The following PNKD variants were observed in gnomAD, a reference collection of about 807,000 sequenced individuals.
PNKD encodes the protein probable thioesterase PNKD.
Under a neutral mutation model 45.3 loss-of-function variants are expected in PNKD, and 36 were observed. The ratio of observed to expected loss-of-function variants is 0.80; its 90% CI spans 0.61 to 1.05. The LOEUF is 1.05. PNKD is among the 50% of genes least tolerant of loss of function. The pLI is 0.00. For missense variants in PNKD, 511 were observed against 506.6 expected (o/e 1.01, Z -0.08); for synonymous variants, 197 against 210.1 (o/e 0.94, Z 0.54).
At chr2:218,278,210 A>C in intron 2 of PNKD, 1 of 609,066 alleles carries the variant, frequency 1.6e-6, no homozygotes. Context: ...TGCAACTCTT[A>C]AACTGACTGC....
At chr2:218,344,085 G>A (rs1450040148) in intron 8 of PNKD, among the ~76,000 whole-genome samples, 6 of 152,168 alleles carry the variant, frequency 3.9e-5, no homozygotes, top group Non-Finnish European at 8.8e-5. Context: ...CAGGAACACA[G>A]CAGGTACATC....
chr2:218,320,146 TA>T, intron 2 of PNKD, among the ~76,000 whole-genome samples: 1 of 152,214 alleles, frequency 6.6e-6, no homozygotes, highest in African/African-American at 2.4e-5. Context: ...CGTTTGTGAG[TA>T]TGTAATATGT....
chr2:218,299,429 A>G (rs1190933216), intron 2 of PNKD, among the ~76,000 whole-genome samples: 3 of 151,974 alleles, frequency 2.0e-5, no homozygotes, highest in Admixed American at 1.3e-4. Context: ...GGCGTGAGCC[A>G]CCGCACCCGA....
chr2:218,324,132 T>A (rs765137387), intron 2 of PNKD, among the ~76,000 whole-genome samples: 4 of 151,728 alleles, frequency 2.6e-5, no homozygotes, highest in Admixed American at 6.6e-5. Flanking sequence ...TACCCCTTCC[T>A]TCCTGGCCCC....
At chr2:218,325,198 C>A (rs1270118042) in intron 2 of PNKD, among the ~76,000 whole-genome samples, 1 of 39,764 alleles carries the variant, frequency 2.5e-5, no homozygotes, top group Middle Eastern at 0.045. Context: ...CGCACCCGGC[C>A]TTTTTTTTTT....
At chr2:218,314,068 T>A (rs560968259) in intron 2 of PNKD, among the ~76,000 whole-genome samples, 1 of 151,634 alleles carries the variant, frequency 6.6e-6, no homozygotes, top group Non-Finnish European at 1.5e-5. Flanking sequence ...ATTACAGGCA[T>A]GTGCCACCAC....
intron 2 of PNKD, among the ~76,000 whole-genome samples, chr2:218,301,114 C>T (rs1375091432): frequency 6.6e-6 from 1 of 152,148 alleles, no homozygotes; most frequent in East Asian, 1.9e-4. Flanking sequence ...AGAATGGCTA[C>T]TCCATAGACA....
intron 2 of PNKD, among the ~76,000 whole-genome samples, chr2:218,273,322 G>A (rs556048475): frequency 6.6e-6 from 1 of 152,182 alleles, no homozygotes; most frequent in Non-Finnish European, 1.5e-5. Flanking sequence ...CCAGGCTGGA[G>A]TGCAGTGTTG....
At chr2:218,302,594 C>T (rs1693299292) in intron 2 of PNKD, among the ~76,000 whole-genome samples, 1 of 152,154 alleles carries the variant, frequency 6.6e-6, no homozygotes, top group Admixed American at 6.5e-5. Flanking sequence ...GGGCATGGCC[C>T]AAGAGGAGAC....
At chr2:218,331,658 G>A (rs1026731412) in intron 2 of PNKD, among the ~76,000 whole-genome samples, 2 of 152,040 alleles carry the variant, frequency 1.3e-5, no homozygotes, top group Admixed American at 6.6e-5. Flanking sequence ...AGTAGAGACG[G>A]GGTTTCACCA....
chr2:218,280,125 G>A, intron 2 of PNKD: 25 of 1,612,700 alleles, frequency 1.6e-5, no homozygotes, highest in African/African-American at 2.7e-5. Flanking sequence ...CATGGCCTGG[G>A]CCTAGGGACA....
Position 218,341,636 on chromosome 2 carries a change from T to A in PNKD, c.617+10T>A. 6.4e-7 allele frequency: 1 copy of A among 1,551,630 alleles called. No individual in the cohort carries two copies. Among genetic ancestry groups the A allele is most frequent in the Non-Finnish European group, 8.7e-7 (1 of 1,142,880 alleles). On this transcript the variant is annotated intron_variant, in intron 6 of 9. Coordinates refer to ENST00000273077, the MANE Select transcript of PNKD (RefSeq NM_015488.5). ...TCCCCTACCTCACCCAGTAAGTCCC[T>A]GACCTAGGCAAGGGATGGCCCTTCC...
Position 218,326,603 on chromosome 2 carries a change from AAG to A in PNKD, c.237-13177_237-13176del, listed in dbSNP as rs1694160666. Among the ~76,000 whole-genome samples the A allele has an allele frequency of 6.6e-6, 1 of 152,142 alleles. No individual in the cohort carries two copies. The highest frequency in any genetic ancestry group is 2.4e-5 in the African/African-American group (1 of 41,426). On this transcript the variant is annotated intron_variant, in intron 2 of 9. Transcript: ENST00000273077. The surrounding 1 kb of genome is among the most constrained non-coding windows in gnomAD (Gnocchi z 4.1). ...TAAAATACACAGGGCCTGGCTCAAAAAGAGTGTTCAGGAAATGTTAGCAGGTG... is the reference window on the plus strand; with the variant it reads ...TAAAATACACAGGGCCTGGCTCAAAAAGTGTTCAGGAAATGTTAGCAGGTG...
rs1694817043 is a variant in PNKD at position 218,345,940 on chromosome 2, A to C, written c.*959A>C. ...AGCCCTTTTCTTCTTTGAGTTAGTA[A>C]AGATTTATTCTGTAACCTGACACTC... is the stretch of plus-strand genomic sequence containing the variant. On this transcript the variant is annotated 3_prime_UTR_variant, in exon 10 of 10. Coordinates refer to ENST00000273077, the MANE Select transcript of PNKD (RefSeq NM_015488.5). 1 of 152,334 alleles carries C rather than the reference A, an allele frequency of 6.6e-6. No homozygotes were observed. The highest frequency in any genetic ancestry group is 2.4e-5 in the African/African-American group (1 of 41,440). 9.4% of individuals were successfully genotyped at this position (152,334 alleles called of 1,614,324 possible).
chr2:218,324,228 C>G (rs1694079301), intron 2 of PNKD, among the ~76,000 whole-genome samples: 1 of 152,222 alleles, frequency 6.6e-6, no homozygotes, highest in Non-Finnish European at 1.5e-5. Context: ...GGCCCCCTGT[C>G]CCCTTCCTAC....
intron 2 of PNKD, among the ~76,000 whole-genome samples, chr2:218,284,771 G>T (rs758199194): frequency 1.3e-5 from 2 of 152,150 alleles, no homozygotes; most frequent in Non-Finnish European, 2.9e-5. Flanking sequence ...CCCTCCACGG[G>T]GTTGCTATAA....
intron 2 of PNKD, among the ~76,000 whole-genome samples, chr2:218,322,994 C>G (rs1042018129): frequency 1.3e-5 from 2 of 151,972 alleles, no homozygotes; most frequent in Non-Finnish European, 2.9e-5. Context: ...CGACTGTGGA[C>G]CCCGATCAGC....
chr2:218,283,674 C>T (rs1447305357), intron 2 of PNKD, among the ~76,000 whole-genome samples: 3 of 152,098 alleles, frequency 2.0e-5, no homozygotes, highest in Admixed American at 2.0e-4. Flanking sequence ...TTGCATAGTT[C>T]GGGGATCAAA....
intron 2 of PNKD, among the ~76,000 whole-genome samples, chr2:218,315,057 T>TCTTTCTTTCTTTCTTC (rs61429059): frequency 0.04 from 2,240 of 55,356 alleles, 278 homozygotes; most frequent in African/African-American, 0.075. Flanking sequence ...TTTCTTTCTT[T>TCTTTCTTTCTTTCTTC]CTTCCTTCCT....
Sources: allele counts gnomAD v4.1 joint callset (sites outside exome capture counted in the v4.1 genomes callset), GRCh38; gene constraint gnomAD v4.1.1; non-coding constraint Gnocchi (gnomAD v3.1); transcripts MANE v1.5; gene names NCBI Gene and HGNC (gene_info 2026-07-23, HGNC 2026-07-21).